Variants in MTERF3 observed in about 807,000 individuals in gnomAD.
MTERF3 encodes the protein mitochondrial transcription termination factor 3.
In MTERF3, 40 loss-of-function variants were observed where a neutral mutation model predicts 40.5. The ratio of observed to expected loss-of-function variants is 0.99; its 90% CI spans 0.77 to 1.29. The LOEUF is 1.29. Ranked by LOEUF, MTERF3 falls within the 50% of genes most tolerant of loss-of-function variation. The pLI is 0.00. For synonymous variants in MTERF3, 158 were observed against 166.6 expected (o/e 0.95, Z 0.40); for missense variants, 452 against 478.2 (o/e 0.95, Z 0.51).
At position 96,245,840 on chromosome 8, in the gene MTERF3, A is replaced by G. The variant is rs746561202; in HGVS notation, c.897+20T>C. On this transcript the variant is annotated intron_variant, in intron 6 of 7. Coordinates refer to ENST00000287025, the MANE Select transcript of MTERF3 (RefSeq NM_015942.5). ...ACACTTAAAGAAACTGATTTCTCAA[A>G]AAGCCTAAAGTTGTCCTACCTTCAT... The G allele has an allele frequency of 6.2e-7, 1 of 1,607,648 alleles. No homozygotes were observed. Among genetic ancestry groups the G allele is most frequent in the South Asian group, 1.1e-5 (1 of 90,398 alleles).
chr8:96,242,656 G>A (rs1380566725), intron 7 of MTERF3, among the ~76,000 whole-genome samples: 1 of 152,140 alleles, frequency 6.6e-6, no homozygotes, highest in Non-Finnish European at 1.5e-5. Context: ...GATAGAGCTG[G>A]CACACAGTAA....
chr8:96,255,382 T>C (rs898778190), intron 3 of MTERF3, among the ~76,000 whole-genome samples: 3 of 152,134 alleles, frequency 2.0e-5, no homozygotes, highest in African/African-American at 7.2e-5. Flanking sequence ...CTCATGCCTA[T>C]AATCTCAGTA....
At chr8:96,250,602 T>TGG (rs1191933130) in intron 4 of MTERF3, among the ~76,000 whole-genome samples, 1 of 71,506 alleles carries the variant, frequency 1.4e-5, no homozygotes, top group Non-Finnish European at 3.1e-5. Flanking sequence ...CCCAGCTACT[T>TGG]GGGAGGCTGA....
At chr8:96,250,544 C>G (rs535915470) in intron 4 of MTERF3, among the ~76,000 whole-genome samples, 2 of 145,724 alleles carry the variant, frequency 1.4e-5, no homozygotes, top group Non-Finnish European at 3.0e-5. Flanking sequence ...AACCCCATCT[C>G]TCCTAAAAAT....
chr8:96,251,234 A>C, intron 3 of MTERF3, 139 bp from the exon 4 acceptor site: 1 of 614,708 alleles, frequency 1.6e-6, no homozygotes, highest in Non-Finnish European at 2.6e-6. Flanking sequence ...GAAACTTCTA[A>C]ATATTTTTAA....
intron 7 of MTERF3, among the ~76,000 whole-genome samples, chr8:96,240,164 G>A (rs1001033635): frequency 1.3e-5 from 2 of 151,482 alleles, no homozygotes; most frequent in African/African-American, 4.9e-5. Context: ...AGGAGAATTG[G>A]TTGAACCCAG....
chr8:96,243,548 C>T (rs1158058388), intron 7 of MTERF3, among the ~76,000 whole-genome samples: 3 of 152,110 alleles, frequency 2.0e-5, no homozygotes, highest in African/African-American at 7.2e-5. Context: ...AACTGGATCA[C>T]TTTTATATTG....
chr8:96,248,282 A>AGTC (rs2129898096), intron 4 of MTERF3, among the ~76,000 whole-genome samples: 1 of 152,362 alleles, frequency 6.6e-6, no homozygotes, highest in South Asian at 2.1e-4. Flanking sequence ...GTACAAGGTA[A>AGTC]GTCACTACAG....
In MTERF3 at chr8:96,239,614, A is replaced by T. The variant is rs147727173; in HGVS notation, c.1131T>A (p.Tyr377Ter). The change falls in exon 8 of 8, where the codon TAT (tyrosine) becomes TAA (stop). Residue 377 changes from tyrosine (Y) to a stop codon, truncating the protein, a stop_gained. Coordinates refer to ENST00000287025, the MANE Select transcript of MTERF3 (RefSeq NM_015942.5). LOFTEE classifies it high-confidence loss of function. Reference protein sequence around the residue: ...LFLTYLGRAQYDPAKPNYISL... With the variant: ...LFLTYLGRAQ ...AGATGTAGTTAGGTTTTGCTGGATC[A>T]TACTGTGCTCTTCCTAAATAGGTAA... The T allele has an allele frequency of 3.3e-5, 54 of 1,612,542 alleles. No homozygotes were observed. In the African/African-American group the frequency reaches 6.7e-4, roughly 20 times the overall value.
chr8:96,245,670 A>G (rs926256752), intron 6 of MTERF3, among the ~76,000 whole-genome samples, 190 bp downstream of exon 6: 3 of 152,224 alleles, frequency 2.0e-5, no homozygotes, highest in Non-Finnish European at 4.4e-5. Context: ...TACCTGCTCA[A>G]CGTGAAAATA....
At chr8:96,240,736 A>G (rs1362937416) in intron 7 of MTERF3, among the ~76,000 whole-genome samples, 1 of 152,196 alleles carries the variant, frequency 6.6e-6, no homozygotes, top group Non-Finnish European at 1.5e-5. Context: ...AGCCCTTTCA[A>G]TATTATGCCT....
intron 3 of MTERF3, among the ~76,000 whole-genome samples, chr8:96,256,518 A>G (rs1322418864): frequency 6.6e-6 from 1 of 152,252 alleles, no homozygotes; most frequent in Non-Finnish European, 1.5e-5. Flanking sequence ...AGGAAGGTAA[A>G]TAATGATAGC....
chr8:96,240,192 G>A (rs1354842887), intron 7 of MTERF3, among the ~76,000 whole-genome samples: 1 of 151,248 alleles, frequency 6.6e-6, no homozygotes, highest in Non-Finnish European at 1.5e-5. Context: ...AGGTTGCAGT[G>A]AGCCGAGATC....
intron 7 of MTERF3, among the ~76,000 whole-genome samples, chr8:96,241,695 G>C (rs1346329344): frequency 3.3e-5 from 5 of 152,080 alleles, no homozygotes; most frequent in Non-Finnish European, 7.4e-5. Flanking sequence ...GGGGAGAGTT[G>C]TTGGCCACCA....
chr8:96,258,807 A>C (rs1204734832), intron 1 of MTERF3, 107 bp from the exon 2 acceptor site: 1 of 849,796 alleles, frequency 1.2e-6, no homozygotes, highest in Non-Finnish European at 1.8e-6. Flanking sequence ...ATTTTTTTCT[A>C]ATTGAAAGGT....
rs1479466031 is a variant in MTERF3 at position 96,250,683 on chromosome 8, G to GAAGAAGAAGAAGAAGAAGAA, written c.677+222_677+223insTTCTTCTTCTTCTTCTTCTT. Reference sequence around the variant, plus strand: ...AGAAGAAGAAGAAGAAGAAGAAGAAGGAGGAGGAGGAGGGGGGGAGGGGGA... The same window carrying GAAGAAGAAGAAGAAGAAGAA: ...AGAAGAAGAAGAAGAAGAAGAAGAAGAAGAAGAAGAAGAAGAAGAAGAGGAGGAGGAGGGGGGGAGGGGGA... On this transcript the variant is annotated intron_variant, in intron 4 of 7. Transcript: ENST00000287025. Among the ~76,000 whole-genome samples, 2 of 58,862 alleles carry GAAGAAGAAGAAGAAGAAGAA rather than the reference G, an allele frequency of 3.4e-5. 1 individual carries two copies. The allele number at this position is 58,862 out of a possible 152,430, so 38.6% of individuals were successfully genotyped here.
At chr8:96,247,203 C>T (rs1197028978) in intron 4 of MTERF3, among the ~76,000 whole-genome samples, 3 of 152,148 alleles carry the variant, frequency 2.0e-5, no homozygotes. Flanking sequence ...GAACTCCTGA[C>T]TTCAAGTGAT....
intron 4 of MTERF3, among the ~76,000 whole-genome samples, chr8:96,248,470 A>G (rs528486959): frequency 6.6e-6 from 1 of 152,356 alleles, no homozygotes; most frequent in East Asian, 1.9e-4. Context: ...AATGCTACCA[A>G]TTGTTATGTA....
chr8:96,247,034 A>G (rs1810035002), intron 4 of MTERF3, among the ~76,000 whole-genome samples: 1 of 152,032 alleles, frequency 6.6e-6, no homozygotes, highest in Admixed American at 6.6e-5. Flanking sequence ...GTGCAGTGGC[A>G]TGATCTGGGC....
Sources: gnomAD v4.1 joint callset for allele counts (sites outside exome capture counted in the v4.1 genomes callset) on GRCh38, gnomAD v4.1.1 for gene constraint, MANE v1.5 for transcripts, NCBI Gene and HGNC (gene_info 2026-07-23, HGNC 2026-07-21) for gene names.